The following RBM47 variants were observed in gnomAD, a reference collection of about 807,000 sequenced individuals.
RBM47 encodes the protein RNA binding motif protein 47, also known as RNA-binding protein 47.
In RBM47, 21 loss-of-function variants were observed where a neutral mutation model predicts 47.1. The observed-to-expected ratio is 0.45, with a 90% confidence interval of 0.32 to 0.64. The LOEUF is 0.64. Ranked by LOEUF, RBM47 falls within the 30% of genes least tolerant of loss-of-function variation. The probability of loss-of-function intolerance (pLI) is 0.05; values close to 1 mark genes in which losing one functional copy is unlikely to be tolerated. For missense variants in RBM47, 708 were observed against 870.9 expected (o/e 0.81, Z 2.35); for synonymous variants, 375 against 361.7 (o/e 1.04, Z -0.42).
intron 4 of RBM47, 89 bp from the exon 5 acceptor site, chr4:40,436,736 C>T (rs1194378917): frequency 3.1e-6 from 4 of 1,278,074 alleles, no homozygotes; most frequent in Non-Finnish European, 4.5e-6. Context: ...CATTTAACTG[C>T]CCCAGTCTTA....
chr4:40,434,667 C>A (rs186491689), intron 5 of RBM47, among the ~76,000 whole-genome samples: 30 of 125,022 alleles, frequency 2.4e-4, no homozygotes, highest in Admixed American at 1.8e-3. Context: ...TCTAAGGAGT[C>A]ACTTAACTGC....
At chr4:40,511,457 G>A (rs1724918022) in intron 2 of RBM47, among the ~76,000 whole-genome samples, 1 of 152,166 alleles carries the variant, frequency 6.6e-6, no homozygotes, top group Non-Finnish European at 1.5e-5. Context: ...GCCTAATACA[G>A]CCAACCTGAC....
At chr4:40,489,272 G>GA (rs1170103187) in intron 2 of RBM47, among the ~76,000 whole-genome samples, 2 of 151,894 alleles carry the variant, frequency 1.3e-5, no homozygotes, top group East Asian at 3.9e-4. Context: ...TAAGAAGCCA[G>GA]AAAAAAGAAG....
chr4:40,438,216 G>T lies in RBM47; in HGVS notation c.678C>A (p.Ile226=). The part of the protein sequence containing the change: ...PGRIQLWGHQ[I]AVDWAEPEID... ...TCTCAGGTTCGGCCCAGTCCACGGC[G>T]ATCTGGTGGCCCCACAGCTGGATGC... The change falls in exon 4 of 7, where the codon ATC becomes ATA. Residue 226 remains isoleucine (I), a synonymous_variant. Coordinates refer to ENST00000295971, the MANE Select transcript of RBM47 (RefSeq NM_001098634.2). 1 of 1,606,014 alleles carries T rather than the reference G, an allele frequency of 6.2e-7. No homozygotes were observed.
intron 2 of RBM47, among the ~76,000 whole-genome samples, chr4:40,495,902 T>C (rs1178833197): frequency 1.3e-5 from 2 of 152,178 alleles, no homozygotes; most frequent in Non-Finnish European, 2.9e-5. Flanking sequence ...GGAGAGAACC[T>C]TTTTCACTGA....
intron 1 of RBM47, among the ~76,000 whole-genome samples, chr4:40,599,061 C>G (rs1052944150): frequency 6.6e-6 from 1 of 151,898 alleles, no homozygotes; most frequent in African/African-American, 2.4e-5. Flanking sequence ...TCAAGACCAG[C>G]CCGGCCAACA....
intron 2 of RBM47, among the ~76,000 whole-genome samples, chr4:40,529,698 A>G (rs1032884150): frequency 4.7e-5 from 7 of 149,634 alleles, no homozygotes; most frequent in Non-Finnish European, 5.9e-5. Flanking sequence ...GTGTGGTGGC[A>G]CACACCTGTA....
chr4:40,531,231 T>A (rs964830078), intron 2 of RBM47, among the ~76,000 whole-genome samples: 2 of 150,442 alleles, frequency 1.3e-5, no homozygotes, highest in South Asian at 2.1e-4. Flanking sequence ...AAGGAAGGAG[T>A]TGAGGTGAGC....
At chr4:40,615,821 C>G (rs1048737872) in intron 1 of RBM47, among the ~76,000 whole-genome samples, 2 of 152,034 alleles carry the variant, frequency 1.3e-5, no homozygotes, top group Admixed American at 1.3e-4. Context: ...AAACTTCAGG[C>G]GCTTCATATC....
In RBM47 at chr4:40,423,692, CTTTCTTTCTTTCTTTCTTTCT is replaced by C. The variant is rs879676218; in HGVS notation, c.*2191_*2211del. The C allele has an allele frequency of 0.054, 5,635 of 105,024 alleles. 204 individuals carry two copies. The highest frequency in any genetic ancestry group is 0.13 in the African/African-American group (2,765 of 21,664). The allele number at this position is 105,024 out of a possible 1,614,324, so 6.5% of individuals were successfully genotyped here. A position where few individuals can be genotyped will look rare whatever the true frequency, so the allele number is the denominator to read the frequency against. ...TCTTTCTTTCTTTCTTTCTTTCTTT[CTTTCTTTCTTTCTTTCTTTCT>C]TTTCTTTCTTTTCTTTCTTCCTCTT... On this transcript the variant is annotated 3_prime_UTR_variant, in exon 7 of 7. Transcript: ENST00000295971.
intron 1 of RBM47, among the ~76,000 whole-genome samples, chr4:40,573,400 TAAAGAG>T (rs111957880): frequency 9.2e-5 from 14 of 151,956 alleles, no homozygotes; most frequent in African/African-American, 3.4e-4. Flanking sequence ...GTAAATATTA[TAAAGAG>T]AAATTGTCTT....
chr4:40,553,520 C>T (rs1358567113), intron 1 of RBM47, among the ~76,000 whole-genome samples: 1 of 152,154 alleles, frequency 6.6e-6, no homozygotes, highest in Non-Finnish European at 1.5e-5. Context: ...AGGTCTTGAA[C>T]TCCTGACCTC....
intron 2 of RBM47, among the ~76,000 whole-genome samples, chr4:40,540,027 A>G (rs556069001): frequency 6.2e-4 from 94 of 152,152 alleles, no homozygotes; most frequent in Non-Finnish European, 1.2e-3. Context: ...GATTAGTAGG[A>G]AAGGGTAAGG....
chr4:40,507,497 C>A (rs1247460205), intron 2 of RBM47, among the ~76,000 whole-genome samples: 1 of 152,064 alleles, frequency 6.6e-6, no homozygotes, highest in East Asian at 1.9e-4. Context: ...ATTTAAAATT[C>A]CAGAGTTACG....
At chr4:40,558,455 G>A (rs1730297648) in intron 1 of RBM47, among the ~76,000 whole-genome samples, 1 of 148,260 alleles carries the variant, frequency 6.7e-6, no homozygotes, top group Non-Finnish European at 1.5e-5. Context: ...GAGGCAGGTG[G>A]ATCACTTAAG....
chr4:40,536,702 GGT>G (rs1159283404), intron 2 of RBM47, among the ~76,000 whole-genome samples: 6 of 122,868 alleles, frequency 4.9e-5, no homozygotes, highest in African/African-American at 1.2e-4. Flanking sequence ...TGCAGTTTTT[GGT>G]GTGTGTGTGT....
chr4:40,514,647 C>T (rs964149559), intron 2 of RBM47: 15 of 152,178 alleles, frequency 9.9e-5, no homozygotes, highest in Admixed American at 6.6e-4. Context: ...GGCTTGTGTC[C>T]CACCCTCAGA....
At chr4:40,592,980 T>TATATATATATATA (rs1351070314) in intron 1 of RBM47, among the ~76,000 whole-genome samples, 5 of 12,064 alleles carry the variant, frequency 4.1e-4, no homozygotes, top group African/African-American at 1.2e-3. Flanking sequence ...TATATATATA[T>TATATATATATATA]TTTTTTTTTT....
At chr4:40,435,987 T>C (rs369715545) in intron 5 of RBM47, among the ~76,000 whole-genome samples, 4 of 124,076 alleles carry the variant, frequency 3.2e-5, no homozygotes, top group African/African-American at 1.2e-4. Flanking sequence ...TGAAACCCCA[T>C]CTCTACTAAA....
Sources: allele counts gnomAD v4.1 joint callset (sites outside exome capture counted in the v4.1 genomes callset), GRCh38; gene constraint gnomAD v4.1.1; transcripts MANE v1.5; gene names NCBI Gene and HGNC (gene_info 2026-07-23, HGNC 2026-07-21).